The following NCOA2 variants were observed in gnomAD, a reference collection of about 807,000 sequenced individuals.
NCOA2 encodes the protein class E basic helix-loop-helix protein 75.
Under a neutral mutation model 145.1 loss-of-function variants are expected in NCOA2, and 21 were observed. The observed-to-expected ratio is 0.14, with a 90% CI of 0.10 to 0.21. The LOEUF (loss-of-function observed/expected upper bound fraction) is 0.21. NCOA2 is among the 10% of genes least tolerant of loss of function. The pLI, the probability that NCOA2 is intolerant of heterozygous loss-of-function variation, is 1.00. For synonymous variants in NCOA2, 619 were observed against 637.5 expected (o/e 0.97, Z 0.44); for missense variants, 1,472 against 1,837.6 (o/e 0.80, Z 3.64).
At chr8:70,347,629 C>T (rs1028326935) in intron 1 of NCOA2, among the ~76,000 whole-genome samples, 7 of 152,030 alleles carry the variant, frequency 4.6e-5, no homozygotes, top group African/African-American at 1.2e-4. Flanking sequence ...CATTGCACTC[C>T]AGCTGGGTGA....
In NCOA2 at chr8:70,296,777, T is replaced by C. The variant is rs1056864920; in HGVS notation, c.-53A>G. 6.6e-6 allele frequency: 1 copy of C among 152,164 alleles called. No individual in the cohort carries two copies. The highest frequency in any genetic ancestry group is 2.4e-5 in the African/African-American group (1 of 41,438). 9.4% of individuals were successfully genotyped at this position (152,164 alleles called of 1,614,324 possible). A position where few individuals can be genotyped will look rare whatever the true frequency, so the allele number is the denominator to read the frequency against. On this transcript the variant is annotated 5_prime_UTR_variant, in exon 2 of 23. Coordinates refer to ENST00000452400, the MANE Select transcript of NCOA2 (RefSeq NM_006540.4). ...GTAAACAGTGCAGAAGATCTATAAG[T>C]GTGTAGCCAAATCCAAGAGAAATCT... is the stretch of plus-strand genomic sequence containing the variant.
At chr8:70,241,778 G>T (rs186865729) in intron 2 of NCOA2, among the ~76,000 whole-genome samples, 1 of 152,164 alleles carries the variant, frequency 6.6e-6, no homozygotes, top group East Asian at 1.9e-4. Flanking sequence ...TGTGAAACAG[G>T]AATTGAATTA....
intron 1 of NCOA2, among the ~76,000 whole-genome samples, chr8:70,299,721 T>C (rs1364782930): frequency 6.6e-6 from 1 of 152,188 alleles, no homozygotes; most frequent in Admixed American, 6.5e-5. Context: ...GAAAATGCAA[T>C]AGTACAGTCA....
intron 1 of NCOA2, among the ~76,000 whole-genome samples, chr8:70,329,845 T>C (rs1806926261): frequency 6.6e-6 from 1 of 152,162 alleles, no homozygotes; most frequent in South Asian, 2.1e-4. Context: ...GATTCAACTT[T>C]TATAAAGTTC....
chr8:70,242,202 G>C (rs1822197834), intron 2 of NCOA2, among the ~76,000 whole-genome samples: 1 of 152,068 alleles, frequency 6.6e-6, no homozygotes. Context: ...CTAAAATGAT[G>C]AAACCAAACA....
At chr8:70,118,757 C>T (rs913468689) in intron 22 of NCOA2, among the ~76,000 whole-genome samples, 6 of 149,882 alleles carry the variant, frequency 4.0e-5, no homozygotes, top group South Asian at 2.1e-4. Flanking sequence ...GGCATGATCT[C>T]GGCTCACTAC....
the NCOA2 span, among the ~76,000 whole-genome samples, chr8:70,435,330 C>G: frequency 7.2e-6 from 1 of 138,446 alleles, no homozygotes; most frequent in Non-Finnish European, 1.5e-5. Flanking sequence ...GAGGCTGAGG[C>G]AGGAGAATGG....
At chr8:70,419,245 T>G in the NCOA2 span, among the ~76,000 whole-genome samples, 7 of 152,202 alleles carry the variant, frequency 4.6e-5, no homozygotes, top group African/African-American at 1.7e-4. Context: ...TTGTTGCAAT[T>G]CTTCAAGGAG....
intron 2 of NCOA2, among the ~76,000 whole-genome samples, chr8:70,249,979 AGAAGAAG>A (rs935422617): frequency 4.9e-5 from 5 of 102,646 alleles, no homozygotes; most frequent in South Asian, 3.3e-4. Flanking sequence ...AAAAAAAAAA[AGAAGAAG>A]AAGAAGAAGA....
At chr8:70,204,956 G>A (rs1455800549) in intron 4 of NCOA2, among the ~76,000 whole-genome samples, 4 of 152,140 alleles carry the variant, frequency 2.6e-5, no homozygotes, top group East Asian at 1.9e-4. Context: ...TGCAGTGAGC[G>A]GAGATCGTAC....
intron 12 of NCOA2, among the ~76,000 whole-genome samples, chr8:70,145,881 T>G (rs1178535392): frequency 6.6e-6 from 1 of 152,142 alleles, no homozygotes; most frequent in Non-Finnish European, 1.5e-5. Flanking sequence ...TCCTCCTGCC[T>G]TGGCCCCCCA....
chr8:70,172,478 G>A (rs1814365353), intron 5 of NCOA2, among the ~76,000 whole-genome samples: 1 of 152,080 alleles, frequency 6.6e-6, no homozygotes, highest in Admixed American at 6.5e-5. Context: ...TGACCATAAG[G>A]CACCAGAGAA....
At chr8:70,413,609 CCTTCA>C in the NCOA2 span, among the ~76,000 whole-genome samples, 1 of 151,944 alleles carries the variant, frequency 6.6e-6, no homozygotes, top group Non-Finnish European at 1.5e-5. Context: ...AGTAATATAC[CCTTCA>C]CTTCTTTTGA....
At chr8:70,416,135 T>G in the NCOA2 span, among the ~76,000 whole-genome samples, 1 of 151,782 alleles carries the variant, frequency 6.6e-6, no homozygotes, top group Non-Finnish European at 1.5e-5. Context: ...GTTGCAGTCT[T>G]CAGTCTGAAG....
At chr8:70,389,903 T>A (rs1813032580) in intron 1 of NCOA2, among the ~76,000 whole-genome samples, 1 of 151,860 alleles carries the variant, frequency 6.6e-6, no homozygotes, top group Non-Finnish European at 1.5e-5. Flanking sequence ...TGACCTCAGG[T>A]GATCTGCCCA....
chr8:70,260,637 C>T (rs1824033844), intron 2 of NCOA2, among the ~76,000 whole-genome samples: 1 of 152,200 alleles, frequency 6.6e-6, no homozygotes, highest in African/African-American at 2.4e-5. Flanking sequence ...TGTTAACTAT[C>T]ACAAGCACAA....
the NCOA2 span, among the ~76,000 whole-genome samples, chr8:70,435,658 C>T: frequency 1.4e-4 from 21 of 151,086 alleles, no homozygotes; most frequent in African/African-American, 4.8e-4. Context: ...GCAAGCCTAA[C>T]ACATAAACAG....
At position 70,201,049 on chromosome 8, in the gene NCOA2, C is replaced by CAAA. The variant is rs60951750; in HGVS notation, c.259+12851_259+12853dup. On this transcript the variant is annotated intron_variant, in intron 4 of 22. Transcript: ENST00000452400. ...TGGGTAACAGGGTGAGACTGTGTCT[C>CAAA]AAAAAAAAAAAAAAAAAAAAAAAGT... Among the ~76,000 whole-genome samples, 147 of 63,438 alleles carry CAAA rather than the reference C, an allele frequency of 2.3e-3. 1 individual carries two copies. Among genetic ancestry groups the CAAA allele is most frequent in the Admixed American group, 3.1e-3 (13 of 4,244 alleles). The allele number at this position is 63,438 out of a possible 152,430, so 41.6% of individuals were successfully genotyped here. A position where few individuals can be genotyped will look rare whatever the true frequency, so the allele number is the denominator to read the frequency against.
At chr8:70,210,258 T>C (rs1586109517) in intron 4 of NCOA2, among the ~76,000 whole-genome samples, 1 of 152,238 alleles carries the variant, frequency 6.6e-6, no homozygotes, top group African/African-American at 2.4e-5. Context: ...CTTTAAAAAC[T>C]GCCTGACACA....
Sources: allele counts gnomAD v4.1 joint callset (sites outside exome capture counted in the v4.1 genomes callset), GRCh38; gene constraint gnomAD v4.1.1; transcripts MANE v1.5; gene names NCBI Gene and HGNC (gene_info 2026-07-23, HGNC 2026-07-21).